Variants in SYNGR2 observed in about 807,000 individuals in gnomAD.
SYNGR2 encodes synaptogyrin-2.
SYNGR2 carries 11 observed loss-of-function variants against 18.7 expected under a neutral mutation model. The observed-to-expected ratio is 0.59, with a 90% confidence interval of 0.37 to 0.97. The LOEUF (loss-of-function observed/expected upper bound fraction) is 0.97. Among genes scored for constraint, SYNGR2 ranks in the 50% least tolerant of loss-of-function variants. The pLI is 0.01. For missense variants in SYNGR2, 253 were observed against 300.7 expected, an observed-to-expected ratio of 0.84 and a Z score of 1.17; for synonymous variants, 127 against 131.0, an observed-to-expected ratio of 0.97 and a Z score of 0.21.
Position 78,171,502 on chromosome 17 carries a change from TC to T in SYNGR2, c.338-3del. The T allele has an allele frequency of 6.6e-7, 1 of 1,514,622 alleles. No individual in the cohort carries two copies. The allele number at this position is 1,514,622 out of a possible 1,614,324, so 93.8% of individuals were successfully genotyped here. ...CATGGAACTGACGCTTCACCCGTCC[TC>T]CCCCAGCTCTCTGGACCTTCCTGTG... On this transcript the variant is annotated splice_region_variant and splice_polypyrimidine_tract_variant and intron_variant, in intron 2 of 3. Transcript: ENST00000225777. This position sits in a 1 kb window ranked among gnomAD's most constrained non-coding sequence, Gnocchi z 6.6.
At position 78,171,131 on chromosome 17, in the gene SYNGR2, C is replaced by A; in HGVS notation, c.337+77C>A. ...GGTTCCGCAGCTGGGAGGGTCTCGG[C>A]CTCTCTGGGAGGGGCAGGGAGCAGC... On this transcript the variant is annotated intron_variant, in intron 2 of 3. Coordinates refer to ENST00000225777, the MANE Select transcript of SYNGR2 (RefSeq NM_004710.7). This position sits in a 1 kb window ranked among gnomAD's most constrained non-coding sequence, Gnocchi z 6.6. 7.0e-7 allele frequency: 1 copy of A among 1,429,714 alleles called. No homozygotes were observed. Among genetic ancestry groups the A allele is most frequent in the Non-Finnish European group, 9.7e-7 (1 of 1,032,446 alleles). The allele number at this position is 1,429,714 out of a possible 1,614,324, so 88.6% of individuals were successfully genotyped here. A position where few individuals can be genotyped will look rare whatever the true frequency, so the allele number is the denominator to read the frequency against.
In SYNGR2 at chr17:78,172,311, T is replaced by C. The variant is rs2075666032; in HGVS notation, c.*375T>C. 1.3e-5 allele frequency: 6 copies of C among 463,182 alleles called. 1 individual carries two copies. The highest frequency in any genetic ancestry group is 1.2e-3 in the Middle Eastern group (2 of 1,732). 28.7% of individuals were successfully genotyped at this position (463,182 alleles called of 1,614,324 possible). ...TCAGGCCGTGGGAGCCGCTATTATC[T>C]GCGTTCTCTGCCAAAGACTCGTGGG... On this transcript the variant is annotated 3_prime_UTR_variant, in exon 4 of 4. Transcript: ENST00000225777.
chr17:78,171,938 C>T lies in SYNGR2; in HGVS notation c.*2C>T, dbSNP rs542407183. On this transcript the variant is annotated 3_prime_UTR_variant, in exon 4 of 4. Transcript: ENST00000225777. The surrounding 1 kb of genome is among the most constrained non-coding windows in gnomAD (Gnocchi z 6.6). ...TACCAGCCGCCCCCTGTGTACTGAG[C>T]GGCGGTTAGCGTGGGAAGGGGGACA... 33 of 1,612,604 alleles carry T rather than the reference C, an allele frequency of 2.0e-5. No individual in the cohort carries two copies. The South Asian group carries it at 2.5e-4, about 12-fold the overall frequency.
Position 78,170,974 on chromosome 17 carries a change from T to A in SYNGR2, c.257T>A (p.Leu86Ter). The stretch of plus-strand genomic sequence containing the variant: ...GCCTTCCTGGCCTCGGCCTTCTTCT[T>A]GGTGGTCGACGCGTATTTCCCCCAG... The part of the protein sequence containing the change: ...VLAFLASAFF[L>*]VVDAYFPQIS... The change falls in exon 2 of 4, where the codon TTG becomes TAG. Residue 86 changes from leucine to a stop codon, truncating the protein, a stop_gained. Transcript: ENST00000225777. LOFTEE classifies it high-confidence loss of function. 1 of 1,538,686 alleles carries A rather than the reference T, an allele frequency of 6.5e-7. No homozygotes were observed. Among genetic ancestry groups the A allele is most frequent in the Non-Finnish European group, 8.7e-7 (1 of 1,144,286 alleles).
chr17:78,169,702 T>C (rs1443520651), intron 1 of SYNGR2: 2 of 152,286 alleles, frequency 1.3e-5, no homozygotes, highest in African/African-American at 4.8e-5. Context: ...CCTGCTGAGG[T>C]GGAGCAGGCG....
Position 78,172,057 on chromosome 17 carries a change from C to T in SYNGR2, c.*121C>T. 1 of 1,537,510 alleles carries T rather than the reference C, an allele frequency of 6.5e-7. No individual in the cohort carries two copies. Among genetic ancestry groups the T allele is most frequent in the Non-Finnish European group, 8.7e-7 (1 of 1,146,342 alleles). On this transcript the variant is annotated 3_prime_UTR_variant, in exon 4 of 4. Coordinates refer to ENST00000225777, the MANE Select transcript of SYNGR2 (RefSeq NM_004710.7). ...CCTGTTCCATCCTGTGCAGCTGACA[C>T]ACAGCTAAGGAGCCTCATAGCCTGG...
At chr17:78,168,960 G>T (rs2075638602) in intron 1 of SYNGR2, among the ~76,000 whole-genome samples, 1 of 152,104 alleles carries the variant, frequency 6.6e-6, no homozygotes, top group African/African-American at 2.4e-5. Context: ...CCCGACGCGG[G>T]GTGTCCGGAT....
intron 1 of SYNGR2, chr17:78,169,642 G>C (rs1453376721): frequency 6.6e-6 from 1 of 152,402 alleles, no homozygotes; most frequent in African/African-American, 2.4e-5. Flanking sequence ...GCAGGGGAGA[G>C]TCCTGGGGCC....
At chr17:78,169,260 GTGTGTGTGTGTGTGGC>G (rs2075641058) in intron 1 of SYNGR2, 5 of 52,470 alleles carry the variant, frequency 9.5e-5, no homozygotes, top group African/African-American at 4.1e-4. Flanking sequence ...CAGGTTTTGT[GTGTGTGTGTGTGTGGC>G]GGGGAGGGGG....
At position 78,171,997 on chromosome 17, in the gene SYNGR2, A is replaced by G. The variant is rs141067566; in HGVS notation, c.*61A>G. On this transcript the variant is annotated 3_prime_UTR_variant, in exon 4 of 4. Transcript: ENST00000225777. The surrounding 1 kb of genome is among the most constrained non-coding windows in gnomAD (Gnocchi z 6.6). ...CCTCCCCTCTGCCCTGGACTTTCCC[A>G]TGAGCCTCCTGGAACTGCCAGCCCC... is the stretch of plus-strand genomic sequence containing the variant. The G allele has an allele frequency of 9.1e-5, 146 of 1,602,064 alleles. No individual in the cohort carries two copies. The East Asian group carries it at 2.1e-3, about 24-fold the overall frequency.
chr17:78,171,202 T>C lies in SYNGR2; in HGVS notation c.337+148T>C. 1 of 809,682 alleles carries C rather than the reference T, an allele frequency of 1.2e-6. No individual in the cohort carries two copies. 50.2% of individuals were successfully genotyped at this position (809,682 alleles called of 1,614,324 possible). On this transcript the variant is annotated intron_variant, in intron 2 of 3. Transcript: ENST00000225777. The surrounding 1 kb of genome is among the most constrained non-coding windows in gnomAD (Gnocchi z 6.6). ...TAGGAAAGGGTTTTCAGCTAGTGTT[T>C]TTCCGTGCTTGAATGGCACCAGCCC...
Position 78,171,076 on chromosome 17 carries a change from A to C in SYNGR2, c.337+22A>C, listed in dbSNP as rs756504348. Reference sequence around the variant, plus strand: ...TCAGGTATCTGCCTGTGGCACCTCCATTTGATCTTGGGGGAGGCATTAACT... The same window carrying C: ...TCAGGTATCTGCCTGTGGCACCTCCCTTTGATCTTGGGGGAGGCATTAACT... On this transcript the variant is annotated intron_variant, in intron 2 of 3. Coordinates refer to ENST00000225777, the MANE Select transcript of SYNGR2 (RefSeq NM_004710.7). The surrounding 1 kb of genome is among the most constrained non-coding windows in gnomAD (Gnocchi z 6.6). 6.2e-7 allele frequency: 1 copy of C among 1,606,668 alleles called. No homozygotes were observed. The highest frequency in any genetic ancestry group is 1.3e-5 in the African/African-American group (1 of 74,598).
intron 1 of SYNGR2, chr17:78,169,237 A>G (rs2075640649): frequency 2.3e-5 from 3 of 132,084 alleles, no homozygotes; most frequent in South Asian, 2.4e-4. Flanking sequence ...AAGGTGGGCA[A>G]TACCTCCAAA....
Position 78,172,044 on chromosome 17 carries a change from T to G in SYNGR2, c.*108T>G, listed in dbSNP as rs747567660. The G allele has an allele frequency of 2.1e-5, 33 of 1,559,398 alleles. No individual in the cohort carries two copies. In the African/African-American group the frequency reaches 3.9e-4, roughly 19 times the overall value. ...CCCCTCTCTTTCACCTGTTCCATCCTGTGCAGCTGACACACAGCTAAGGAG... is the reference window on the plus strand; with the variant it reads ...CCCCTCTCTTTCACCTGTTCCATCCGGTGCAGCTGACACACAGCTAAGGAG... On this transcript the variant is annotated 3_prime_UTR_variant, in exon 4 of 4. Transcript: ENST00000225777.
chr17:78,171,291 G>T lies in SYNGR2; in HGVS notation c.338-219G>T, dbSNP rs2075656530. The T allele has an allele frequency of 1.5e-6, 1 of 674,836 alleles. No homozygotes were observed. The allele number at this position is 674,836 out of a possible 1,614,324, so 41.8% of individuals were successfully genotyped here. ...ACCCGAGCAGATGGGCTTTGCCTCT[G>T]CCCCTTTTGTCCCCTAGGCTGTCTG... On this transcript the variant is annotated intron_variant, in intron 2 of 3. Coordinates refer to ENST00000225777, the MANE Select transcript of SYNGR2 (RefSeq NM_004710.7). This position sits in a 1 kb window ranked among gnomAD's most constrained non-coding sequence, Gnocchi z 6.6.
Position 78,168,616 on chromosome 17 carries a change from C to G in SYNGR2, c.-1C>G, listed in dbSNP as rs2075635361. ...GCGGCGGCAGCGGCGGCGACGGCGA[C>G]ATGGAGAGCGGGGCCTACGGCGCGG... On this transcript the variant is annotated 5_prime_UTR_variant, in exon 1 of 4. Transcript: ENST00000225777. 1 of 1,201,220 alleles carries G rather than the reference C, an allele frequency of 8.3e-7. No homozygotes were observed. The highest frequency in any genetic ancestry group is 1.0e-6 in the Non-Finnish European group (1 of 967,742). The allele number at this position is 1,201,220 out of a possible 1,614,324, so 74.4% of individuals were successfully genotyped here.
chr17:78,168,779 G>A, intron 1 of SYNGR2, 64 bp downstream of exon 1: 4 of 1,165,970 alleles, frequency 3.4e-6, no homozygotes, highest in Non-Finnish European at 3.2e-6. Flanking sequence ...CAGGCCCGGC[G>A]GGGCCCCTAG....
chr17:78,172,372 C>A lies in SYNGR2; in HGVS notation c.*436C>A. On this transcript the variant is annotated 3_prime_UTR_variant, in exon 4 of 4. Transcript: ENST00000225777. ...CCTGCCCTGTGCAGCGGAGCCGGACCAGGCTCTTGTGTCCTCACTCAGGTT... is the reference window on the plus strand; with the variant it reads ...CCTGCCCTGTGCAGCGGAGCCGGACAAGGCTCTTGTGTCCTCACTCAGGTT... 3.4e-6 allele frequency: 1 copy of A among 290,774 alleles called. No individual in the cohort carries two copies. Among genetic ancestry groups the A allele is most frequent in the Non-Finnish European group, 6.5e-6 (1 of 154,994 alleles). 18.0% of individuals were successfully genotyped at this position (290,774 alleles called of 1,614,324 possible).
intron 1 of SYNGR2, among the ~76,000 whole-genome samples, chr17:78,169,389 T>C (rs1164793033): frequency 6.6e-6 from 1 of 152,096 alleles, no homozygotes; most frequent in African/African-American, 2.4e-5. Context: ...CTGGAGCTTC[T>C]GAGGTCCTCC....
Sources: allele counts gnomAD v4.1 joint callset (sites outside exome capture counted in the v4.1 genomes callset), GRCh38; gene constraint gnomAD v4.1.1; non-coding constraint Gnocchi (gnomAD v3.1); transcripts MANE v1.5; gene names NCBI Gene and HGNC (gene_info 2026-07-23, HGNC 2026-07-21).